The following LUC7L3 variants were observed in gnomAD, a reference collection of about 807,000 sequenced individuals.
The protein encoded by LUC7L3 is LUC7 like 3 pre-mRNA splicing factor, also known as luc7-like protein 3.
Under a neutral mutation model 66.8 loss-of-function variants are expected in LUC7L3, and 6 were observed. The ratio of observed to expected loss-of-function variants is 0.09; its 90% CI spans 0.05 to 0.18. LUC7L3 has a LOEUF of 0.18. LUC7L3 is among the 10% of genes least tolerant of loss of function. The pLI, the probability that LUC7L3 is intolerant of heterozygous loss-of-function variation, is 1.00. For missense variants in LUC7L3, 341 were observed against 531.1 expected (o/e 0.64, Z 3.52); for synonymous variants, 160 against 174.7 (o/e 0.92, Z 0.66).
At chr17:50,746,272 T>G (rs948422642) in intron 8 of LUC7L3, among the ~76,000 whole-genome samples, 1 of 152,146 alleles carries the variant, frequency 6.6e-6, no homozygotes, top group Admixed American at 6.5e-5. Context: ...TCTCACTGAT[T>G]CCGAGAAATA....
Position 50,731,724 on chromosome 17 carries a change from G to A in LUC7L3, c.100-5236G>A, listed in dbSNP as rs1327347088. ...GATTGGGGAAATGGAATCTAGTCTG[G>A]ATTCTGTAGATATAGCTGGATGCTG... is the stretch of plus-strand genomic sequence containing the variant. On this transcript the variant is annotated intron_variant, in intron 1 of 9. Coordinates refer to ENST00000505658, the MANE Select transcript of LUC7L3 (RefSeq NM_016424.5). 2.0e-5 allele frequency among the ~76,000 whole-genome samples: 3 copies of A among 152,278 alleles called. No homozygotes were observed. The East Asian group carries it at 5.8e-4, about 29-fold the overall frequency.
intron 3 of LUC7L3, 89 bp downstream of exon 3, chr17:50,740,434 A>C: frequency 1.6e-6 from 2 of 1,249,170 alleles, no homozygotes; most frequent in Non-Finnish European, 2.3e-6. Context: ...AATTAAATGT[A>C]AAATGAGTGT....
intron 5 of LUC7L3, among the ~76,000 whole-genome samples, chr17:50,742,313 AT>A (rs942244638): frequency 1.3e-5 from 2 of 151,794 alleles, no homozygotes; most frequent in Non-Finnish European, 2.9e-5. Flanking sequence ...AAATAGTCTC[AT>A]TTTTTTCTTT....
intron 9 of LUC7L3, among the ~76,000 whole-genome samples, chr17:50,749,798 T>C (rs982574383): frequency 6.6e-6 from 1 of 152,246 alleles, no homozygotes; most frequent in African/African-American, 2.4e-5. Flanking sequence ...ACCTCTAGTC[T>C]GAGGTCTTAC....
intron 1 of LUC7L3, among the ~76,000 whole-genome samples, chr17:50,727,519 C>A (rs1009662756): frequency 5.3e-5 from 8 of 152,218 alleles, no homozygotes; most frequent in Admixed American, 2.6e-4. Flanking sequence ...TAGCAGTGCC[C>A]CAGCCCCCCG....
chr17:50,724,081 A>C, intron 1 of LUC7L3: 1 of 388,308 alleles, frequency 2.6e-6, no homozygotes, highest in Non-Finnish European at 5.3e-6. Context: ...AATAAATTGA[A>C]CTCCCCATGT....
At chr17:50,749,117 C>A in intron 9 of LUC7L3, 1 of 839,208 alleles carries the variant, frequency 1.2e-6, no homozygotes, top group Non-Finnish European at 1.7e-6. Flanking sequence ...GTGTAAGGTG[C>A]TCTCTTTGTC....
At chr17:50,740,520 CAT>C (rs1970283666) in intron 3 of LUC7L3, among the ~76,000 whole-genome samples, 175 bp downstream of exon 3, 1 of 152,126 alleles carries the variant, frequency 6.6e-6, no homozygotes, top group Non-Finnish European at 1.5e-5. Context: ...ATAGCTACCA[CAT>C]GAGTGCACCC....
chr17:50,750,450 T>C (rs1000057385), intron 9 of LUC7L3, 51 bp from the exon 10 acceptor site: 1 of 1,528,070 alleles, frequency 6.5e-7, no homozygotes, highest in Non-Finnish European at 8.9e-7. Context: ...AAATCATGTC[T>C]TTATTGTATT....
At chr17:50,729,739 T>C (rs573285037) in intron 1 of LUC7L3, among the ~76,000 whole-genome samples, 9 of 152,078 alleles carry the variant, frequency 5.9e-5, no homozygotes, top group Admixed American at 1.3e-4. Context: ...TAATTTTTTT[T>C]CCCCTCATCA....
chr17:50,737,302 G>T (rs772324374), intron 2 of LUC7L3: 2 of 545,346 alleles, frequency 3.7e-6, no homozygotes, highest in South Asian at 3.1e-5. Flanking sequence ...TTTGGAAGAG[G>T]AGATAACATT....
rs530128281 is a variant in LUC7L3 at position 50,746,082 on chromosome 17, G to A, written c.977+79G>A. On this transcript the variant is annotated intron_variant, in intron 8 of 9. Transcript: ENST00000505658. Reference sequence around the variant, plus strand: ...ATAATAACTACTAGTATTATTCCTTGGAATGGTACTTGGGAAGCTCTTAAG... The same window carrying A: ...ATAATAACTACTAGTATTATTCCTTAGAATGGTACTTGGGAAGCTCTTAAG... 58 of 1,460,716 alleles carry A rather than the reference G, an allele frequency of 4.0e-5. 1 individual carries two copies. In the South Asian group the frequency reaches 9.1e-4, roughly 23 times the overall value. The allele number at this position is 1,460,716 out of a possible 1,614,324, so 90.5% of individuals were successfully genotyped here.
chr17:50,743,561 C>T, intron 5 of LUC7L3, 145 bp from the exon 6 acceptor site: 1 of 592,758 alleles, frequency 1.7e-6, no homozygotes, highest in Non-Finnish European at 3.0e-6. Context: ...TAAAAAAAAT[C>T]CAGGATAAAT....
intron 9 of LUC7L3, among the ~76,000 whole-genome samples, chr17:50,748,941 T>C (rs1475261815): frequency 2.6e-5 from 4 of 152,108 alleles, no homozygotes; most frequent in Non-Finnish European, 4.4e-5. Context: ...GGCACTCTTA[T>C]AAATGACTGA....
At chr17:50,719,865 T>C in intron 1 of LUC7L3, 34 bp downstream of exon 1, 2 of 1,573,488 alleles carry the variant, frequency 1.3e-6, no homozygotes, top group Non-Finnish European at 1.7e-6. Flanking sequence ...GAGCCCGGGC[T>C]CCGTGGGGGA....
At chr17:50,739,647 C>CT (rs1243860448) in intron 2 of LUC7L3, among the ~76,000 whole-genome samples, 14 of 99,784 alleles carry the variant, frequency 1.4e-4, no homozygotes, top group Non-Finnish European at 2.3e-4. Flanking sequence ...GAGCAAGACT[C>CT]TATCTCAAAA....
intron 1 of LUC7L3, among the ~76,000 whole-genome samples, chr17:50,735,708 A>T (rs1969940165): frequency 6.6e-6 from 1 of 151,996 alleles, no homozygotes; most frequent in East Asian, 1.9e-4. Flanking sequence ...ATGTTGCCCA[A>T]GCCGGTCTCA....
chr17:50,740,114 A>T (rs553181720), intron 2 of LUC7L3, among the ~76,000 whole-genome samples, 192 bp from the exon 3 acceptor site: 43 of 152,260 alleles, frequency 2.8e-4, no homozygotes, highest in African/African-American at 9.9e-4. Context: ...TTGAAGACTG[A>T]GCAGATCAAT....
chr17:50,741,508 G>A, intron 4 of LUC7L3, 149 bp from the exon 5 acceptor site: 1 of 611,692 alleles, frequency 1.6e-6, no homozygotes, highest in East Asian at 2.9e-5. Flanking sequence ...ATATGTGATT[G>A]ACCAACAGAA....
Sources: gnomAD v4.1 joint callset for allele counts (sites outside exome capture counted in the v4.1 genomes callset) on GRCh38, gnomAD v4.1.1 for gene constraint, MANE v1.5 for transcripts, NCBI Gene and HGNC (gene_info 2026-07-23, HGNC 2026-07-21) for gene names.